OR4K17: variants seen among roughly 807,000 people sequenced by gnomAD.
The protein encoded by OR4K17 is olfactory receptor 4K17.
For missense variants in OR4K17, 480 were observed against 366.3 expected (o/e 1.31, Z -2.53); for synonymous variants, 157 against 132.8 (o/e 1.18, Z -1.25).
chr14:20,111,235 G>T (rs1877876531), intron 1 of OR4K17, among the ~76,000 whole-genome samples: 1 of 152,052 alleles, frequency 6.6e-6, no homozygotes, highest in African/African-American at 2.4e-5. Context: ...AACTAAAATA[G>T]TTCACAAACT....
chr14:20,121,624 T>C lies in OR4K17; in HGVS notation c.*3186T>C, dbSNP rs1878171480. On this transcript the variant is annotated 3_prime_UTR_variant, in exon 2 of 2. Transcript: ENST00000641386. ...CTACAAATGAAAAACCTATAGAGCA[T>C]TTACAAAAACAAAAAAAATAAAAAA... 1 of 150,344 alleles carries C rather than the reference T, an allele frequency of 6.7e-6. No homozygotes were observed. The highest frequency in any genetic ancestry group is 1.5e-5 in the Non-Finnish European group (1 of 67,688). 9.3% of individuals were successfully genotyped at this position (150,344 alleles called of 1,614,324 possible). A position where few individuals can be genotyped will look rare whatever the true frequency, so the allele number is the denominator to read the frequency against.
intron 1 of OR4K17, among the ~76,000 whole-genome samples, chr14:20,115,707 G>A (rs1566551735): frequency 6.6e-6 from 1 of 151,882 alleles, no homozygotes; most frequent in Admixed American, 6.6e-5. Flanking sequence ...AAATATATTA[G>A]GGCTTAAAGT....
rs915357546 is a variant in OR4K17, at chr14:20,117,610, C to T, written c.111C>T (p.Val37=). The change falls in exon 2 of 2, where the codon GTC becomes GTT. Residue 37 remains valine, a synonymous_variant. Coordinates refer to ENST00000641386, the MANE Select transcript of OR4K17 (RefSeq NM_001004715.5). ...LFALFSVIYV[V]TVLGNLLIIV... ...CCCTCTTCTCGGTTATCTATGTGGTCACAGTTTTGGGTAACCTTCTTATTA... is the reference window on the plus strand; with the variant it reads ...CCCTCTTCTCGGTTATCTATGTGGTTACAGTTTTGGGTAACCTTCTTATTA... 1.3e-4 allele frequency: 202 copies of T among 1,613,740 alleles called. No homozygotes were observed. Among genetic ancestry groups the T allele is most frequent in the Non-Finnish European group, 1.7e-4 (198 of 1,179,900 alleles).
chr14:20,117,624 A>G lies in OR4K17; in HGVS notation c.125A>G (p.Asn42Ser), dbSNP rs779784304. The change falls in exon 2 of 2, where the codon AAC becomes AGC. Residue 42 changes from asparagine (N) to serine (S), a missense_variant. Transcript: ENST00000641386. ...ATCTATGTGGTCACAGTTTTGGGTA[A>G]CCTTCTTATTATAGTCACAGTGTTT... is the stretch of plus-strand genomic sequence containing the variant. ...SVIYVVTVLG[N>S]LLIIVTVFNT... 6.2e-7 allele frequency: 1 copy of G among 1,613,328 alleles called. No individual in the cohort carries two copies. Among genetic ancestry groups the G allele is most frequent in the Non-Finnish European group, 8.5e-7 (1 of 1,179,706 alleles).
Position 20,121,577 on chromosome 14 carries a change from T to C in OR4K17, c.*3139T>C, listed in dbSNP as rs1272385107. ...AATAGTCTATGATAACCATAAGATG[T>C]GTTATGTAAGCCTTATGGTAACTAC... On this transcript the variant is annotated 3_prime_UTR_variant, in exon 2 of 2. Transcript: ENST00000641386. 6.6e-6 allele frequency: 1 copy of C among 152,074 alleles called. No homozygotes were observed. The highest frequency in any genetic ancestry group is 1.5e-5 in the Non-Finnish European group (1 of 68,010). 9.4% of individuals were successfully genotyped at this position (152,074 alleles called of 1,614,324 possible). A position where few individuals can be genotyped will look rare whatever the true frequency, so the allele number is the denominator to read the frequency against.
rs1470882803 is a variant in OR4K17 at position 20,121,196 on chromosome 14, C to T, written c.*2758C>T. ...TAAGACAACAAGAAACACCAAAAACCAAAAGGGAGTATCACCATGAAAGGA... is the reference window on the plus strand; with the variant it reads ...TAAGACAACAAGAAACACCAAAAACTAAAAGGGAGTATCACCATGAAAGGA... On this transcript the variant is annotated 3_prime_UTR_variant, in exon 2 of 2. Coordinates refer to ENST00000641386, the MANE Select transcript of OR4K17 (RefSeq NM_001004715.5). The T allele has an allele frequency of 6.6e-6, 1 of 152,044 alleles. No homozygotes were observed. Among genetic ancestry groups the T allele is most frequent in the African/African-American group, 2.4e-5 (1 of 41,398 alleles). The allele number at this position is 152,044 out of a possible 1,614,324, so 9.4% of individuals were successfully genotyped here.
intron 1 of OR4K17, among the ~76,000 whole-genome samples, chr14:20,114,797 C>G (rs1877952199): frequency 6.6e-6 from 1 of 152,078 alleles, no homozygotes; most frequent in South Asian, 2.1e-4. Flanking sequence ...GCTTCCACCA[C>G]TCATCACTAT....
rs1294924689 is a variant in OR4K17, at chr14:20,121,781, G to A, written c.*3343G>A. On this transcript the variant is annotated 3_prime_UTR_variant, in exon 2 of 2. Transcript: ENST00000641386. ...ACAATTAATAAAATGGAGGTACTAA[G>A]CACAGTCAGTTTTCTGGCATATCCA... is the stretch of plus-strand genomic sequence containing the variant. 6.6e-6 allele frequency: 1 copy of A among 152,032 alleles called. No individual in the cohort carries two copies. Among genetic ancestry groups the A allele is most frequent in the Non-Finnish European group, 1.5e-5 (1 of 67,948 alleles). The allele number at this position is 152,032 out of a possible 1,614,324, so 9.4% of individuals were successfully genotyped here.
Position 20,120,521 on chromosome 14 carries a change from G to A in OR4K17, c.*2083G>A, listed in dbSNP as rs760763290. 9.2e-5 allele frequency: 14 copies of A among 152,162 alleles called. No individual in the cohort carries two copies. The highest frequency in any genetic ancestry group is 2.1e-4 in the South Asian group (1 of 4,828). 9.4% of individuals were successfully genotyped at this position (152,162 alleles called of 1,614,324 possible). On this transcript the variant is annotated 3_prime_UTR_variant, in exon 2 of 2. Transcript: ENST00000641386. ...CTTGTGTGACTGTGTGCTGAGCACCGGCTCAGCCACCATAGAGAATTAGTT... is the reference window on the plus strand; with the variant it reads ...CTTGTGTGACTGTGTGCTGAGCACCAGCTCAGCCACCATAGAGAATTAGTT...
rs970719539 is a variant in OR4K17, at chr14:20,118,737, G to A, written c.*299G>A. 1 of 229,360 alleles carries A rather than the reference G, an allele frequency of 4.4e-6. No individual in the cohort carries two copies. The highest frequency in any genetic ancestry group is 5.2e-5 in the Admixed American group (1 of 19,166). 14.2% of individuals were successfully genotyped at this position (229,360 alleles called of 1,614,324 possible). A position where few individuals can be genotyped will look rare whatever the true frequency, so the allele number is the denominator to read the frequency against. On this transcript the variant is annotated 3_prime_UTR_variant, in exon 2 of 2. Coordinates refer to ENST00000641386, the MANE Select transcript of OR4K17 (RefSeq NM_001004715.5). Reference sequence around the variant, plus strand: ...GAGGCAGTGTACGAATAGGGTGTGGGTCACAGAGATCACATGCATCACAAG... The same window carrying A: ...GAGGCAGTGTACGAATAGGGTGTGGATCACAGAGATCACATGCATCACAAG...
Position 20,117,462 on chromosome 14 carries a change from C to T in OR4K17, c.-32-6C>T, listed in dbSNP as rs1319481103. The T allele has an allele frequency of 1.9e-6, 3 of 1,613,484 alleles. No individual in the cohort carries two copies. Among genetic ancestry groups the T allele is most frequent in the Non-Finnish European group, 1.7e-6 (2 of 1,179,738 alleles). Reference sequence around the variant, plus strand: ...GGTATGAGTGATCTTTTCTTTCTCTCTACAGGTCATCCAAGAGCGAGCTGT... The same window carrying T: ...GGTATGAGTGATCTTTTCTTTCTCTTTACAGGTCATCCAAGAGCGAGCTGT... On this transcript the variant is annotated splice_region_variant and splice_polypyrimidine_tract_variant and intron_variant, in intron 1 of 1. Transcript: ENST00000641386.
intron 1 of OR4K17, among the ~76,000 whole-genome samples, chr14:20,115,729 A>G (rs1283321757): frequency 6.6e-6 from 1 of 152,102 alleles, no homozygotes; most frequent in Non-Finnish European, 1.5e-5. Context: ...AATGTTAACT[A>G]TATTAATATT....
At position 20,110,766 on chromosome 14, in the gene OR4K17, A is replaced by G. The variant is rs1877866004; in HGVS notation, c.-159A>G. 6.6e-6 allele frequency: 1 copy of G among 152,012 alleles called. No homozygotes were observed. Among genetic ancestry groups the G allele is most frequent in the Admixed American group, 6.6e-5 (1 of 15,222 alleles). 9.4% of individuals were successfully genotyped at this position (152,012 alleles called of 1,614,324 possible). ...TAATTCTAAGAGAGACGGTATTAGG[A>G]ACTCCCCTGATTGGAGTCTAGATAC... On this transcript the variant is annotated 5_prime_UTR_variant, in exon 1 of 2. Transcript: ENST00000641386.
Position 20,118,262 on chromosome 14 carries a change from A to G in OR4K17, c.763A>G (p.Ile255Val), listed in dbSNP as rs769122503. The change falls in exon 2 of 2, where the codon ATC becomes GTC. Residue 255 changes from isoleucine to valine, a missense_variant. By Grantham distance (29) the Ile-to-Val change is conservative. Transcript: ENST00000641386. ...TVVILFFGPC[I>V]FIYIWPFGNH... ...GGTGATTCTCTTCTTTGGCCCATGC[A>G]TCTTTATCTACATTTGGCCCTTCGG... 10 of 1,613,952 alleles carry G rather than the reference A, an allele frequency of 6.2e-6. No individual in the cohort carries two copies. The African/African-American group carries it at 1.1e-4, about 17-fold the overall frequency.
chr14:20,115,928 A>G (rs1877981132), intron 1 of OR4K17, among the ~76,000 whole-genome samples: 1 of 152,176 alleles, frequency 6.6e-6, no homozygotes, highest in African/African-American at 2.4e-5. Context: ...TGATATTTGT[A>G]TTTGAGTTGA....
intron 1 of OR4K17, among the ~76,000 whole-genome samples, chr14:20,115,038 G>A (rs975508127): frequency 5.3e-5 from 8 of 152,022 alleles, no homozygotes; most frequent in African/African-American, 1.7e-4. Context: ...CCAAACCACT[G>A]ATTGCTTACA....
intron 1 of OR4K17, among the ~76,000 whole-genome samples, chr14:20,114,549 C>T (rs1410826334): frequency 6.6e-6 from 1 of 151,990 alleles, no homozygotes; most frequent in East Asian, 1.9e-4. Context: ...TTTAAATCTT[C>T]GCCATTCCAG....
chr14:20,119,569 C>A lies in OR4K17; in HGVS notation c.*1131C>A. 6.6e-6 allele frequency: 1 copy of A among 152,572 alleles called. No individual in the cohort carries two copies. Among genetic ancestry groups the A allele is most frequent in the South Asian group, 1.9e-4 (1 of 5,142 alleles). 9.5% of individuals were successfully genotyped at this position (152,572 alleles called of 1,614,324 possible). ...CACGGCTTCAGCAGGTCCCTCTGTTCGGGGTCCCTGACTTCCCGCAACAGA... is the reference window on the plus strand; with the variant it reads ...CACGGCTTCAGCAGGTCCCTCTGTTAGGGGTCCCTGACTTCCCGCAACAGA... On this transcript the variant is annotated 3_prime_UTR_variant, in exon 2 of 2. Coordinates refer to ENST00000641386, the MANE Select transcript of OR4K17 (RefSeq NM_001004715.5).
At chr14:20,117,404 C>T in intron 1 of OR4K17, 64 bp from the exon 2 acceptor site, 2 of 1,572,734 alleles carry the variant, frequency 1.3e-6, no homozygotes, top group Non-Finnish European at 1.7e-6. Flanking sequence ...TTTGGTTTTT[C>T]ATATGGCTCT....
Sources: allele counts gnomAD v4.1 joint callset (sites outside exome capture counted in the v4.1 genomes callset), GRCh38; gene constraint gnomAD v4.1.1; transcripts MANE v1.5; gene names NCBI Gene and HGNC (gene_info 2026-07-23, HGNC 2026-07-21).